Variants in HOXB3 observed in about 807,000 individuals in gnomAD.
HOXB3 encodes homeobox B3.
In HOXB3, 17 loss-of-function variants were observed where a neutral mutation model predicts 29.2. The ratio of observed to expected loss-of-function variants is 0.58; its 90% CI spans 0.40 to 0.87. The LOEUF (loss-of-function observed/expected upper bound fraction) is 0.87. Among genes scored for constraint, HOXB3 ranks in the 40% least tolerant of loss-of-function variants. HOXB3 has a pLI of 0.00. For synonymous variants in HOXB3, 317 were observed against 285.9 expected (o/e 1.11, Z -1.10); for missense variants, 637 against 616.3 (o/e 1.03, Z -0.35).
At chr17:48,560,017 C>T (rs1340224211) in intron 2 of HOXB3, 2 of 152,274 alleles carry the variant, frequency 1.3e-5, no homozygotes, top group African/African-American at 4.8e-5. Flanking sequence ...GGTGATAGAT[C>T]CCAATCTGAA....
chr17:48,557,454 C>T (rs554068103), intron 2 of HOXB3: 1 of 152,428 alleles, frequency 6.6e-6, no homozygotes, highest in South Asian at 2.1e-4. Flanking sequence ...CACTCACAGG[C>T]TCTACTTTGG....
intron 2 of HOXB3, among the ~76,000 whole-genome samples, chr17:48,571,343 G>A (rs763981951): frequency 1.3e-4 from 20 of 152,212 alleles, no homozygotes; most frequent in Non-Finnish European, 2.6e-4. Context: ...CACTGCCAGC[G>A]CTGGGGCCGC....
intron 1 of HOXB3, chr17:48,576,661 C>CAA: frequency 1.1e-6 from 1 of 918,218 alleles, no homozygotes; most frequent in Non-Finnish European, 1.5e-6. Flanking sequence ...CCCCCCACCC[C>CAA]ATCCCCTGCA....
chr17:48,569,593 C>T (rs569248481), intron 2 of HOXB3, among the ~76,000 whole-genome samples: 3 of 152,288 alleles, frequency 2.0e-5, no homozygotes, highest in African/African-American at 7.2e-5. Flanking sequence ...GATTAAGGTT[C>T]CCTCCCCAAC....
chr17:48,559,708 A>G (rs2069125666), intron 2 of HOXB3: 1 of 152,294 alleles, frequency 6.6e-6, no homozygotes, highest in African/African-American at 2.4e-5. Flanking sequence ...ACAAAGGGGC[A>G]CCCGGAAGGG....
At position 48,570,482 on chromosome 17, in the gene HOXB3, C is replaced by G. The variant is rs151034741; in HGVS notation, c.-247+3355G>C. The stretch of plus-strand genomic sequence containing the variant: ...GCAGCCAGGACCACAGCCTCCGGGG[C>G]AGGCAGGGAATCCAGGAAGAATGAG... On this transcript the variant is annotated intron_variant, in intron 2 of 4. Coordinates refer to ENST00000498678, the MANE Select transcript of HOXB3 (RefSeq NM_001384749.1). Among the ~76,000 whole-genome samples the G allele has an allele frequency of 9.9e-5, 15 of 152,260 alleles. No homozygotes were observed. In the East Asian group the frequency reaches 2.1e-3, roughly 22 times the overall value.
chr17:48,564,097 T>A (rs533810572), intron 2 of HOXB3, among the ~76,000 whole-genome samples: 3 of 148,296 alleles, frequency 2.0e-5, no homozygotes, highest in Non-Finnish European at 3.0e-5. Context: ...CTCATCTTCG[T>A]CTTCAATTCG....
intron 2 of HOXB3, among the ~76,000 whole-genome samples, chr17:48,567,491 T>G (rs1463489915): frequency 6.6e-6 from 1 of 152,184 alleles, no homozygotes; most frequent in African/African-American, 2.4e-5. Context: ...ATCACAACTT[T>G]GGGGCACAGT....
At chr17:48,577,933 G>A (rs768756760) in intron 1 of HOXB3, 4 of 1,344,398 alleles carry the variant, frequency 3.0e-6, no homozygotes, top group Non-Finnish European at 2.9e-6. Context: ...GGGACGGGCT[G>A]GGGTGCAGGG....
chr17:48,552,165 T>C lies in HOXB3; in HGVS notation c.310A>G (p.Ser104Gly). 3 of 1,614,014 alleles carry C rather than the reference T, an allele frequency of 1.9e-6. No individual in the cohort carries two copies. The highest frequency in any genetic ancestry group is 2.5e-6 in the Non-Finnish European group (3 of 1,179,932). The part of the protein sequence containing the change: ...AAPTSATSNS[S>G]NGGGPSKSGP... ...CTTTTGCTGGGCCCGCCCCCATTAC[T>C]GCTGTTGCTAGTGGCACTGGTAGGT... is the stretch of plus-strand genomic sequence containing the variant. The change falls in exon 4 of 5, where the codon AGT (serine) becomes GGT (glycine). Residue 104 changes from serine (S) to glycine (G), a missense_variant. Ser to Gly is a moderately conservative substitution (Grantham distance 56). Coordinates refer to ENST00000498678, the MANE Select transcript of HOXB3 (RefSeq NM_001384749.1).
At chr17:48,567,761 ACTT>A (rs2069436820) in intron 2 of HOXB3, among the ~76,000 whole-genome samples, 2 of 152,162 alleles carry the variant, frequency 1.3e-5, no homozygotes. Flanking sequence ...ACTTCGGAGA[ACTT>A]CTCCCCACTT....
intron 2 of HOXB3, among the ~76,000 whole-genome samples, chr17:48,564,353 C>T (rs1038236723): frequency 4.6e-5 from 7 of 152,166 alleles, no homozygotes; most frequent in Non-Finnish European, 1.0e-4. Context: ...AGTCGCTCAA[C>T]CCGCAGCAAC....
chr17:48,583,994 C>T (rs1006409765), intron 1 of HOXB3, among the ~76,000 whole-genome samples: 1 of 152,232 alleles, frequency 6.6e-6, no homozygotes, highest in African/African-American at 2.4e-5. Flanking sequence ...CAGTGTACCT[C>T]CTATAGTAAA....
At chr17:48,558,952 A>C (rs1171232702) in intron 2 of HOXB3, among the ~76,000 whole-genome samples, 1 of 151,898 alleles carries the variant, frequency 6.6e-6, no homozygotes, top group Admixed American at 6.6e-5. Context: ...AGAGAGAGAG[A>C]GAGAGAAAGG....
At chr17:48,561,168 G>A (rs1362265754) in intron 2 of HOXB3, among the ~76,000 whole-genome samples, 6 of 110,536 alleles carry the variant, frequency 5.4e-5, no homozygotes, top group East Asian at 6.6e-4. Context: ...CAACAAGAGC[G>A]AAACTCCGTC....
chr17:48,576,837 C>A (rs2069780696), intron 1 of HOXB3: 12 of 1,614,254 alleles, frequency 7.4e-6, no homozygotes, highest in African/African-American at 1.3e-5. Context: ...CCACTTCATG[C>A]GCCGGTTCTG....
chr17:48,578,447 G>A (rs1428163960), intron 1 of HOXB3: 36 of 1,186,494 alleles, frequency 3.0e-5, no homozygotes, highest in Non-Finnish European at 3.8e-5. Context: ...GATCCTCCGA[G>A]CCAATGGCCG....
intron 1 of HOXB3, chr17:48,581,295 C>T (rs549889386): frequency 6.6e-6 from 1 of 152,312 alleles, no homozygotes; most frequent in East Asian, 1.9e-4. Flanking sequence ...CAACATTCTC[C>T]CAGACAGGCT....
chr17:48,559,199 C>T (rs1597825861), intron 2 of HOXB3, among the ~76,000 whole-genome samples: 1 of 152,126 alleles, frequency 6.6e-6, no homozygotes, highest in Non-Finnish European at 1.5e-5. Context: ...CCCTCTGGAA[C>T]AATCAAGGGC....
Sources: gnomAD v4.1 joint callset for allele counts (sites outside exome capture counted in the v4.1 genomes callset) on GRCh38, gnomAD v4.1.1 for gene constraint, MANE v1.5 for transcripts, NCBI Gene and HGNC (gene_info 2026-07-23, HGNC 2026-07-21) for gene names.